Variants in TRAF3 observed in about 807,000 individuals in gnomAD.
TRAF3 encodes TNF receptor associated factor 3, also known as TNF receptor-associated factor 3.
In TRAF3, 13 loss-of-function variants were observed where a neutral mutation model predicts 62.3. The observed-to-expected ratio is 0.21, with a 90% CI of 0.14 to 0.33. TRAF3 has a LOEUF of 0.33. Ranked by LOEUF, TRAF3 falls within the 10% of genes least tolerant of loss-of-function variation. TRAF3 has a pLI of 1.00. For synonymous variants in TRAF3, 269 were observed against 283.4 expected (o/e 0.95, Z 0.51); for missense variants, 440 against 741.8 (o/e 0.59, Z 4.73).
chr14:102,859,193 C>CA (rs34556286), intron 2 of TRAF3, among the ~76,000 whole-genome samples: 9,695 of 143,834 alleles, frequency 0.067, 698 homozygotes, highest in African/African-American at 0.19. Context: ...TAATTTAGGC[C>CA]AAAAAAAAAA....
chr14:102,835,301 G>T (rs945407393), intron 2 of TRAF3, among the ~76,000 whole-genome samples: 1 of 152,196 alleles, frequency 6.6e-6, no homozygotes, highest in African/African-American at 2.4e-5. Flanking sequence ...TACACTGTTG[G>T]TGGAGTGTAA....
intron 7 of TRAF3, among the ~76,000 whole-genome samples, 194 bp downstream of exon 7, chr14:102,886,463 C>CT (rs1425087173): frequency 6.6e-6 from 1 of 152,086 alleles, no homozygotes; most frequent in Admixed American, 6.5e-5. Context: ...GGGTTAAAAG[C>CT]TACAGTGTAT....
intron 1 of TRAF3, among the ~76,000 whole-genome samples, chr14:102,820,591 TATATATATATATATATATATA>T (rs1899854883): frequency 1.4e-4 from 1 of 7,008 alleles, no homozygotes; most frequent in African/African-American, 7.4e-4. Flanking sequence ...TATATATATA[TATATATATATATATATATATA>T]TATTTTTTTT....
intron 1 of TRAF3, among the ~76,000 whole-genome samples, chr14:102,818,677 A>G (rs1024614528): frequency 4.6e-5 from 7 of 152,030 alleles, no homozygotes; most frequent in African/African-American, 1.7e-4. Flanking sequence ...TTCACCTTCT[A>G]CTTTCTTAGA....
At chr14:102,793,969 C>T (rs544352164) in intron 1 of TRAF3, among the ~76,000 whole-genome samples, 14 of 152,220 alleles carry the variant, frequency 9.2e-5, no homozygotes, top group South Asian at 6.2e-4. Context: ...GTTGGCTGGT[C>T]CAGTCATGAG....
chr14:102,859,372 G>A (rs2139772399), intron 2 of TRAF3, among the ~76,000 whole-genome samples: 1 of 152,258 alleles, frequency 6.6e-6, no homozygotes, highest in South Asian at 2.1e-4. Flanking sequence ...TTTTAATTAT[G>A]TACTAGGTAT....
intron 1 of TRAF3, among the ~76,000 whole-genome samples, chr14:102,802,139 A>ACCACGCCCAGCCAACTG (rs1898469307): frequency 1.4e-5 from 2 of 143,940 alleles, no homozygotes; most frequent in African/African-American, 2.6e-5. Flanking sequence ...GGCATGAGCC[A>ACCACGCCCAGCCAACTG]TTGCACCTGG....
Position 102,908,400 on chromosome 14 carries a change from C to G in TRAF3, c.*2616C>G, listed in dbSNP as rs1399946918. On this transcript the variant is annotated 3_prime_UTR_variant, in exon 12 of 12. Transcript: ENST00000392745. Reference sequence around the variant, plus strand: ...ATCGGGGTCTCTGTTCTGAGTGTGTCTTCCTCTCATGTACTCAACACAGTG... The same window carrying G: ...ATCGGGGTCTCTGTTCTGAGTGTGTGTTCCTCTCATGTACTCAACACAGTG... 6.6e-6 allele frequency: 1 copy of G among 152,472 alleles called. No homozygotes were observed. The highest frequency in any genetic ancestry group is 1.5e-5 in the Non-Finnish European group (1 of 68,196). 9.4% of individuals were successfully genotyped at this position (152,472 alleles called of 1,614,324 possible).
At chr14:102,810,865 G>C (rs962603534) in intron 1 of TRAF3, 2 of 152,144 alleles carry the variant, frequency 1.3e-5, no homozygotes, top group Non-Finnish European at 1.5e-5. Flanking sequence ...ACGTAGAAAA[G>C]GTACCCCGAG....
chr14:102,902,486 G>A (rs1165420281), intron 10 of TRAF3, among the ~76,000 whole-genome samples: 2 of 152,196 alleles, frequency 1.3e-5, no homozygotes, highest in Non-Finnish European at 2.9e-5. Flanking sequence ...GCCTTTAGAC[G>A]TTCCAAGGGA....
intron 4 of TRAF3, among the ~76,000 whole-genome samples, chr14:102,874,253 G>A (rs561513079): frequency 1.3e-5 from 2 of 152,274 alleles, no homozygotes; most frequent in African/African-American, 4.8e-5. Context: ...GTGACAGAGT[G>A]AAACCCACCC....
chr14:102,835,814 G>T (rs1036851649), intron 2 of TRAF3, among the ~76,000 whole-genome samples: 1 of 152,098 alleles, frequency 6.6e-6, no homozygotes, highest in Non-Finnish European at 1.5e-5. Context: ...TCTAGGCTTC[G>T]TACCTGGGTT....
At chr14:102,895,130 T>C in intron 9 of TRAF3, 1 of 455,784 alleles carries the variant, frequency 2.2e-6, no homozygotes, top group Non-Finnish European at 4.4e-6. Flanking sequence ...TGGAAATGAA[T>C]GAATTGTTAC....
intron 1 of TRAF3, among the ~76,000 whole-genome samples, chr14:102,788,274 C>G (rs1595281611): frequency 6.6e-6 from 1 of 152,126 alleles, no homozygotes; most frequent in East Asian, 1.9e-4. Flanking sequence ...TTTATTGAGG[C>G]AAAATTCACA....
intron 2 of TRAF3, among the ~76,000 whole-genome samples, chr14:102,855,443 C>G (rs976555672): frequency 7.9e-5 from 12 of 152,120 alleles, no homozygotes; most frequent in African/African-American, 2.9e-4. Context: ...TGCGTTTCCA[C>G]AGCAGTATAT....
In TRAF3 at chr14:102,875,608, G is replaced by T; in HGVS notation, c.298-16G>T. On this transcript the variant is annotated splice_polypyrimidine_tract_variant and intron_variant, in intron 4 of 11. Transcript: ENST00000392745. ...AGAAATATTAATCCTCCAAAATAATGATCTTTCATTTTCAGGTGTTTAAGG... is the reference window on the plus strand; with the variant it reads ...AGAAATATTAATCCTCCAAAATAATTATCTTTCATTTTCAGGTGTTTAAGG... 1.2e-6 allele frequency: 2 copies of T among 1,602,048 alleles called. No homozygotes were observed. Among genetic ancestry groups the T allele is most frequent in the South Asian group, 1.1e-5 (1 of 90,802 alleles).
In TRAF3 at chr14:102,814,654, G is replaced by A. The variant is rs142898857; in HGVS notation, c.-156-15680G>A. Among the ~76,000 whole-genome samples the A allele has an allele frequency of 1.5e-3, 222 of 152,160 alleles. 1 individual carries two copies. The highest frequency in any genetic ancestry group is 5.1e-3 in the African/African-American group (213 of 41,504). The stretch of plus-strand genomic sequence containing the variant: ...CCACCTCAGCCTCCTGAATAGCTGG[G>A]ACTGCAGGCACATGCCACCACATCT... On this transcript the variant is annotated intron_variant, in intron 1 of 11. Coordinates refer to ENST00000392745, the MANE Select transcript of TRAF3 (RefSeq NM_145725.3).
At chr14:102,833,202 T>G (rs905908545) in intron 2 of TRAF3, among the ~76,000 whole-genome samples, 7 of 152,348 alleles carry the variant, frequency 4.6e-5, no homozygotes, top group African/African-American at 9.6e-5. Context: ...TCCCTCTCCC[T>G]TCTGTGGCAC....
At chr14:102,812,301 C>T (rs1439885205) in intron 1 of TRAF3, among the ~76,000 whole-genome samples, 4 of 152,082 alleles carry the variant, frequency 2.6e-5, no homozygotes, top group Non-Finnish European at 5.9e-5. Flanking sequence ...TAGTGTCCTC[C>T]ACTTCTATCC....
Sources: allele counts gnomAD v4.1 joint callset (sites outside exome capture counted in the v4.1 genomes callset), GRCh38; gene constraint gnomAD v4.1.1; transcripts MANE v1.5; gene names NCBI Gene and HGNC (gene_info 2026-07-23, HGNC 2026-07-21).